PCDHGA2: variants seen among roughly 807,000 people sequenced by gnomAD.
The protein encoded by PCDHGA2 is protocadherin gamma-A2.
A neutral mutation model predicts 59.2 loss-of-function variants in PCDHGA2; 40 were observed. That is an observed-to-expected ratio of 0.68 (90% CI 0.52 to 0.88). The LOEUF (loss-of-function observed/expected upper bound fraction) is 0.88, where lower values mean the gene tolerates loss of function less well. Ranked by LOEUF, PCDHGA2 falls within the 40% of genes least tolerant of loss-of-function variation. The pLI is 0.00. For missense variants in PCDHGA2, 1,226 were observed against 1,204.0 expected (o/e 1.02, Z -0.27); for synonymous variants, 560 against 526.0 (o/e 1.06, Z -0.89).
intron 2 of PCDHGA2, among the ~76,000 whole-genome samples, chr5:141,498,371 C>T (rs188547878): frequency 6.6e-6 from 1 of 151,838 alleles, no homozygotes; most frequent in Admixed American, 6.6e-5. Flanking sequence ...TGTGGTGAGG[C>T]CTCCTGGGAT....
At chr5:141,360,937 G>C (rs1430087223) in intron 1 of PCDHGA2, 2 of 1,613,962 alleles carry the variant, frequency 1.2e-6, no homozygotes, top group Admixed American at 1.7e-5. Context: ...GACAGCCACC[G>C]ACCGGGATGA....
chr5:141,425,890 G>A (rs943076854), intron 1 of PCDHGA2, among the ~76,000 whole-genome samples: 1 of 152,118 alleles, frequency 6.6e-6, no homozygotes, highest in Non-Finnish European at 1.5e-5. Flanking sequence ...AATCTTCTTT[G>A]GTAGTAAACA....
At position 141,375,614 on chromosome 5, in the gene PCDHGA2, A is replaced by C. The variant is rs904386299; in HGVS notation, c.2424+34219A>C. The C allele has an allele frequency of 1.9e-6, 3 of 1,614,060 alleles. No individual in the cohort carries two copies. The highest frequency in any genetic ancestry group is 1.7e-5 in the Admixed American group (1 of 60,008). Reference sequence around the variant, plus strand: ...CTCCTACGTGTCCATCAACTCCGACACTGGGATTCTGTACGCCCTGCGCTC... The same window carrying C: ...CTCCTACGTGTCCATCAACTCCGACCCTGGGATTCTGTACGCCCTGCGCTC... On this transcript the variant is annotated intron_variant, in intron 1 of 3. Transcript: ENST00000394576.
intron 1 of PCDHGA2, chr5:141,366,536 C>T (rs779007704): frequency 1.9e-6 from 3 of 1,614,132 alleles, no homozygotes; most frequent in African/African-American, 1.3e-5. Context: ...GGCGGGTGTG[C>T]CCGCCTCGCA....
At position 141,455,318 on chromosome 5, in the gene PCDHGA2, G is replaced by A. The variant is rs534507768; in HGVS notation, c.2425-39489G>A. On this transcript the variant is annotated intron_variant, in intron 1 of 3. Transcript: ENST00000394576. ...TTTCATCTTGCATTAGCAATTTTGT[G>A]TGTGTGTTTGTGGTTTTAAGGAGCG... is the stretch of plus-strand genomic sequence containing the variant. Among the ~76,000 whole-genome samples the A allele has an allele frequency of 2.4e-4, 37 of 152,186 alleles. No individual in the cohort carries two copies. The South Asian group carries it at 5.6e-3, about 23-fold the overall frequency.
At chr5:141,427,386 A>G (rs2097020887) in intron 1 of PCDHGA2, 1 of 459,098 alleles carries the variant, frequency 2.2e-6, no homozygotes, top group Non-Finnish European at 4.4e-6. Context: ...CACTCTGTTC[A>G]AAACACATGA....
intron 1 of PCDHGA2, chr5:141,360,536 A>G (rs1213416174): frequency 6.2e-7 from 1 of 1,613,884 alleles, no homozygotes; most frequent in African/African-American, 1.3e-5. Flanking sequence ...CCGCTATTCA[A>G]ACAGACTAAG....
chr5:141,389,906 T>A, intron 1 of PCDHGA2: 1 of 1,614,086 alleles, frequency 6.2e-7, no homozygotes, highest in Non-Finnish European at 8.5e-7. Context: ...CGGATATCAC[T>A]GACCGCCCCG....
chr5:141,494,306 T>G (rs1432951954), intron 1 of PCDHGA2, among the ~76,000 whole-genome samples: 1 of 152,212 alleles, frequency 6.6e-6, no homozygotes, highest in Non-Finnish European at 1.5e-5. Flanking sequence ...AATGTGTCAC[T>G]GCACAACCTG....
At chr5:141,392,131 T>C (rs1434001990) in intron 1 of PCDHGA2, 2 of 152,204 alleles carry the variant, frequency 1.3e-5, no homozygotes, top group African/African-American at 4.8e-5. Flanking sequence ...TGTAAAATGA[T>C]TAAGTAGTTT....
intron 1 of PCDHGA2, among the ~76,000 whole-genome samples, chr5:141,481,478 T>C (rs2099538352): frequency 6.6e-6 from 1 of 152,232 alleles, no homozygotes; most frequent in African/African-American, 2.4e-5. Context: ...GATTATACAC[T>C]TTAAATATGT....
intron 1 of PCDHGA2, among the ~76,000 whole-genome samples, chr5:141,464,440 T>C (rs566597587): frequency 6.6e-6 from 1 of 151,608 alleles, no homozygotes; most frequent in South Asian, 2.1e-4. Context: ...TATATGTTTG[T>C]TGTTGTTGTT....
intron 1 of PCDHGA2, chr5:141,384,810 C>G: frequency 6.2e-7 from 1 of 1,613,420 alleles, no homozygotes; most frequent in Non-Finnish European, 8.5e-7. Flanking sequence ...ACAGAGATGC[C>G]CTCAAGCAGA....
At chr5:141,349,887 T>C (rs975858000) in intron 1 of PCDHGA2, among the ~76,000 whole-genome samples, 1 of 152,178 alleles carries the variant, frequency 6.6e-6, no homozygotes, top group African/African-American at 2.4e-5. Context: ...CCTTATCTGA[T>C]GATGACAAAC....
At chr5:141,427,082 C>T (rs1335319344) in intron 1 of PCDHGA2, 1 of 458,118 alleles carries the variant, frequency 2.2e-6, no homozygotes, top group Admixed American at 2.3e-5. Flanking sequence ...CAGCCACTGA[C>T]CAGGATGAGG....
At position 141,426,439 on chromosome 5, in the gene PCDHGA2, G is replaced by C. The variant is rs149215795; in HGVS notation, c.2425-68368G>C. On this transcript the variant is annotated intron_variant, in intron 1 of 3. Transcript: ENST00000394576. ...GGGCTCCGTGGTGGGGAACCTTGCG[G>C]AGGACATGCGGCTGCATGTTCAGGA... 7.8e-4 allele frequency: 237 copies of C among 302,398 alleles called. 1 individual carries two copies. The highest frequency in any genetic ancestry group is 4.6e-3 in the African/African-American group (214 of 46,260). The allele number at this position is 302,398 out of a possible 1,614,324, so 18.7% of individuals were successfully genotyped here.
intron 1 of PCDHGA2, chr5:141,370,415 G>A: frequency 6.4e-7 from 1 of 1,569,830 alleles, no homozygotes; most frequent in Non-Finnish European, 8.6e-7. Flanking sequence ...GCTCCGGATG[G>A]AGGGGCCCAG....
At chr5:141,393,825 G>A (rs2092852640) in intron 1 of PCDHGA2, 10 of 1,613,964 alleles carry the variant, frequency 6.2e-6, no homozygotes, top group Non-Finnish European at 8.5e-6. Context: ...CATTTCGGTG[G>A]AAGATGTAAA....
At chr5:141,357,518 C>A in intron 1 of PCDHGA2, 1 of 1,614,246 alleles carries the variant, frequency 6.2e-7, no homozygotes, top group Non-Finnish European at 8.5e-7. Flanking sequence ...TTCTCCCAAC[C>A]CAGCTATGCA....
Sources: allele counts gnomAD v4.1 joint callset (sites outside exome capture counted in the v4.1 genomes callset), GRCh38; gene constraint gnomAD v4.1.1; transcripts MANE v1.5; gene names NCBI Gene and HGNC (gene_info 2026-07-23, HGNC 2026-07-21).